Variants in PCBP3 observed in about 807,000 individuals in gnomAD.
PCBP3 encodes the protein poly(rC)-binding protein 3.
PCBP3 carries 25 observed loss-of-function variants against 52.7 expected under a neutral mutation model. The observed-to-expected ratio is 0.47, with a 90% CI of 0.35 to 0.66. The LOEUF (loss-of-function observed/expected upper bound fraction) is 0.66, where lower values mean the gene tolerates loss of function less well. Ranked by LOEUF, PCBP3 falls within the 30% of genes least tolerant of loss-of-function variation. The probability of loss-of-function intolerance (pLI) is 0.01; values close to 1 mark genes in which losing one functional copy is unlikely to be tolerated. For synonymous variants in PCBP3, 162 were observed against 183.0 expected (o/e 0.89, Z 0.93); for missense variants, 391 against 490.3 (o/e 0.80, Z 1.91).
intron 4 of PCBP3, among the ~76,000 whole-genome samples, chr21:45,795,476 A>G (rs1213691367): frequency 6.6e-6 from 1 of 152,204 alleles, no homozygotes; most frequent in Admixed American, 6.5e-5. Context: ...ACACAAAATG[A>G]TAGCCAAAAG....
chr21:45,860,747 G>A (rs929454539), intron 5 of PCBP3, among the ~76,000 whole-genome samples: 3 of 152,224 alleles, frequency 2.0e-5, no homozygotes, highest in Non-Finnish European at 2.9e-5. Flanking sequence ...CCTTACACAG[G>A]CAGTTACACA....
chr21:45,845,004 A>G (rs1339288394), intron 4 of PCBP3, among the ~76,000 whole-genome samples: 2 of 151,986 alleles, frequency 1.3e-5, no homozygotes, highest in African/African-American at 4.8e-5. Context: ...GAATTCTTAG[A>G]CTTTTTTACT....
intron 2 of PCBP3, among the ~76,000 whole-genome samples, chr21:45,714,976 A>G (rs2148217276): frequency 1.3e-5 from 2 of 152,350 alleles, no homozygotes; most frequent in South Asian, 4.1e-4. Flanking sequence ...AACTGTTCTC[A>G]GGAAGGGGAA....
chr21:45,712,183 C>T (rs1303433380), intron 2 of PCBP3, among the ~76,000 whole-genome samples: 2 of 152,116 alleles, frequency 1.3e-5, no homozygotes, highest in Non-Finnish European at 2.9e-5. Context: ...CAGTTTTTGG[C>T]GGTTATGAAT....
chr21:45,662,534 G>A (rs973468653), intron 1 of PCBP3, among the ~76,000 whole-genome samples: 12 of 151,810 alleles, frequency 7.9e-5, no homozygotes, highest in African/African-American at 2.9e-4. Context: ...CTGAGGGCAC[G>A]AGCTGTTCCA....
intron 4 of PCBP3, chr21:45,761,489 C>G (rs1451996200): frequency 1.3e-5 from 2 of 152,278 alleles, no homozygotes; most frequent in African/African-American, 2.4e-5. Flanking sequence ...AGGGTGTCCA[C>G]TTGCCTCTCT....
At chr21:45,850,860 C>T (rs1240188084) in intron 5 of PCBP3, among the ~76,000 whole-genome samples, 5 of 151,854 alleles carry the variant, frequency 3.3e-5, no homozygotes, top group Non-Finnish European at 5.9e-5. Flanking sequence ...GAGCATAAGG[C>T]AATTATACTG....
intron 3 of PCBP3, among the ~76,000 whole-genome samples, chr21:45,746,889 C>T (rs9977915): frequency 0.17 from 2,373 of 13,944 alleles, 52 homozygotes; most frequent in Non-Finnish European, 0.21. Flanking sequence ...TGTCAGTCCA[C>T]TGACGTAGCG....
chr21:45,875,965 C>T (rs764612678), intron 5 of PCBP3, among the ~76,000 whole-genome samples: 3 of 152,210 alleles, frequency 2.0e-5, no homozygotes, highest in Non-Finnish European at 4.4e-5. Flanking sequence ...GCCCATGGCC[C>T]CGCATCCCCG....
chr21:45,646,053 T>TTCTCTC (rs10682556), intron 1 of PCBP3, among the ~76,000 whole-genome samples: 12 of 71,530 alleles, frequency 1.7e-4, no homozygotes, highest in African/African-American at 3.7e-4. Context: ...TGTCACCTGT[T>TTCTCTC]TCTCTCTCTC....
rs143673685 is a variant in PCBP3, at chr21:45,868,214, C to T, written c.10+18119C>T. On this transcript the variant is annotated intron_variant, in intron 5 of 17. Transcript: ENST00000681687. ...TTTACGCAGAACAAAGCGGGTGCCTCGGAGGAGAGAGCCTAGGGACAGGGG... is the reference window on the plus strand; with the variant it reads ...TTTACGCAGAACAAAGCGGGTGCCTTGGAGGAGAGAGCCTAGGGACAGGGG... Among the ~76,000 whole-genome samples the T allele has an allele frequency of 1.3e-4, 20 of 152,326 alleles. No homozygotes were observed. The East Asian group carries it at 2.3e-3, about 18-fold the overall frequency.
intron 15 of PCBP3, 144 bp downstream of exon 15, chr21:45,930,989 G>T: frequency 8.4e-7 from 1 of 1,194,580 alleles, no homozygotes; most frequent in Non-Finnish European, 1.2e-6. Flanking sequence ...TGCCAAGGGC[G>T]TGGGTGGTGC....
chr21:45,794,088 A>G (rs1212446018), intron 4 of PCBP3, among the ~76,000 whole-genome samples: 1 of 152,262 alleles, frequency 6.6e-6, no homozygotes, highest in East Asian at 1.9e-4. Flanking sequence ...ATGTATCTGT[A>G]TAATGATGAG....
At position 45,817,875 on chromosome 21, in the gene PCBP3, CTT is replaced by C. The variant is rs1382234882; in HGVS notation, c.-125-32084_-125-32083del. Reference sequence around the variant, plus strand: ...ATTTCACTTTTGAAAAGTTAATAGTCTTTATGTTTTAGGGCAATTGTATTCTA... The same window carrying C: ...ATTTCACTTTTGAAAAGTTAATAGTCTATGTTTTAGGGCAATTGTATTCTA... On this transcript the variant is annotated intron_variant, in intron 4 of 17. Transcript: ENST00000681687. The surrounding 1 kb of genome is among the most constrained non-coding windows in gnomAD (Gnocchi z 4.3). 6.6e-6 allele frequency among the ~76,000 whole-genome samples: 1 copy of C among 152,102 alleles called. No homozygotes were observed. The highest frequency in any genetic ancestry group is 1.5e-5 in the Non-Finnish European group (1 of 68,010).
chr21:45,841,997 C>T (rs773692962), intron 4 of PCBP3, among the ~76,000 whole-genome samples: 1 of 152,214 alleles, frequency 6.6e-6, no homozygotes, highest in Non-Finnish European at 1.5e-5. Context: ...TGCTGGGGCT[C>T]ACCTCCTCTG....
intron 2 of PCBP3, among the ~76,000 whole-genome samples, chr21:45,700,273 AAGAC>A (rs1426326378): frequency 6.6e-6 from 1 of 152,200 alleles, no homozygotes; most frequent in East Asian, 1.9e-4. Flanking sequence ...TCTTTTTAGA[AAGAC>A]AATCATATTT....
chr21:45,784,420 CCCTACCTCCTACCTCCTACCT>C (rs537648185), intron 4 of PCBP3, among the ~76,000 whole-genome samples: 128 of 125,262 alleles, frequency 1.0e-3, no homozygotes, highest in African/African-American at 3.9e-3. Context: ...CTACCGCTAC[CCCTACCTCCTACCTCCTACCT>C]CCTACCTCCT....
intron 4 of PCBP3, among the ~76,000 whole-genome samples, chr21:45,755,982 C>G (rs1038422445): frequency 1.3e-5 from 2 of 151,998 alleles, no homozygotes; most frequent in African/African-American, 2.4e-5. Context: ...TTTCCTGTGT[C>G]CTAAGAATTC....
At chr21:45,695,762 C>A in intron 2 of PCBP3, among the ~76,000 whole-genome samples, 1 of 152,040 alleles carries the variant, frequency 6.6e-6, no homozygotes, top group African/African-American at 2.4e-5. Context: ...AGCAAAGGCA[C>A]CACCTACAAT....
Sources: allele counts gnomAD v4.1 joint callset (sites outside exome capture counted in the v4.1 genomes callset), GRCh38; gene constraint gnomAD v4.1.1; non-coding constraint Gnocchi (gnomAD v3.1); transcripts MANE v1.5; gene names NCBI Gene and HGNC (gene_info 2026-07-23, HGNC 2026-07-21).